TMEM248: variants seen among roughly 807,000 people sequenced by gnomAD.
TMEM248 encodes the protein UPF0458 protein C7orf42.
TMEM248 carries 9 observed loss-of-function variants against 30.3 expected under a neutral mutation model. The observed-to-expected ratio is 0.30, with a 90% CI of 0.18 to 0.52. The LOEUF is 0.52. TMEM248 is among the 20% of genes least tolerant of loss of function. The pLI, the probability that TMEM248 is intolerant of heterozygous loss-of-function variation, is 0.97. For missense variants in TMEM248, 338 were observed against 403.3 expected, an observed-to-expected ratio of 0.84 and a Z score of 1.39; for synonymous variants, 184 against 154.4, an observed-to-expected ratio of 1.19 and a Z score of -1.42.
At chr7:66,946,913 G>C (rs1026728411) in intron 3 of TMEM248, among the ~76,000 whole-genome samples, 7 of 151,932 alleles carry the variant, frequency 4.6e-5, no homozygotes, top group Admixed American at 3.9e-4. Flanking sequence ...TTACCAAAAG[G>C]CTTTTTAAAA....
chr7:66,923,260 C>G (rs1164869576), intron 1 of TMEM248, among the ~76,000 whole-genome samples: 1 of 152,000 alleles, frequency 6.6e-6, no homozygotes, highest in Non-Finnish European at 1.5e-5. Context: ...ATTTTTCTGC[C>G]TCAGCTGCCT....
At position 66,934,030 on chromosome 7, in the gene TMEM248, C is replaced by G. The variant is rs17748115; in HGVS notation, c.-18-7818C>G. On this transcript the variant is annotated intron_variant, in intron 1 of 6. Coordinates refer to ENST00000341567, the MANE Select transcript of TMEM248 (RefSeq NM_017994.5). ...TTAAAACTAACATTTGCCACTGTGA[C>G]GCTTACAGAAATTTTCTCGTAACTC... is the stretch of plus-strand genomic sequence containing the variant. Among the ~76,000 whole-genome samples the G allele has an allele frequency of 1.3e-4, 20 of 151,344 alleles. 1 individual carries two copies. The highest frequency in any genetic ancestry group is 3.4e-4 in the African/African-American group (14 of 41,236).
At chr7:66,934,794 A>G (rs1224814525) in intron 1 of TMEM248, among the ~76,000 whole-genome samples, 1 of 152,190 alleles carries the variant, frequency 6.6e-6, no homozygotes, top group Non-Finnish European at 1.5e-5. Flanking sequence ...GTTCACACCT[A>G]TAATCCCAAC....
intron 5 of TMEM248, 47 bp from the exon 6 acceptor site, chr7:66,953,179 G>A: frequency 6.3e-7 from 1 of 1,598,696 alleles, no homozygotes; most frequent in Non-Finnish European, 8.5e-7. Context: ...AAACCTTTCA[G>A]TCACTCAGAG....
chr7:66,953,429 C>A, intron 6 of TMEM248, 60 bp downstream of exon 6: 1 of 1,571,188 alleles, frequency 6.4e-7, no homozygotes, highest in Non-Finnish European at 8.6e-7. Flanking sequence ...TACAGAAAGT[C>A]CCAGTTATCC....
At chr7:66,925,885 C>T (rs190171833) in intron 1 of TMEM248, among the ~76,000 whole-genome samples, 193 of 152,062 alleles carry the variant, frequency 1.3e-3, no homozygotes, top group Admixed American at 2.2e-3. Flanking sequence ...TCATAATCCA[C>T]CCGCCTCAGC....
In TMEM248 at chr7:66,958,264, T is replaced by C. The variant is rs1283629865; in HGVS notation, c.*2742T>C. 1.3e-5 allele frequency: 2 copies of C among 152,716 alleles called. No individual in the cohort carries two copies. The highest frequency in any genetic ancestry group is 2.9e-5 in the Non-Finnish European group (2 of 68,058). 9.5% of individuals were successfully genotyped at this position (152,716 alleles called of 1,614,324 possible). A position where few individuals can be genotyped will look rare whatever the true frequency, so the allele number is the denominator to read the frequency against. ...TTGATCTCTTTCCTTTTTCCTTTTG[T>C]CCTTTCACTGTATGACTTGAATCAG... is the stretch of plus-strand genomic sequence containing the variant. On this transcript the variant is annotated 3_prime_UTR_variant, in exon 7 of 7. Coordinates refer to ENST00000341567, the MANE Select transcript of TMEM248 (RefSeq NM_017994.5).
Position 66,951,046 on chromosome 7 carries a change from C to G in TMEM248, c.691C>G (p.Gln231Glu), listed in dbSNP as rs916922250. The change falls in exon 5 of 7, where the codon CAA becomes GAA. Residue 231 changes from glutamine to glutamate, a missense_variant. Physicochemically the swap from Gln to Glu is conservative, Grantham distance 29. Coordinates refer to ENST00000341567, the MANE Select transcript of TMEM248 (RefSeq NM_017994.5). Reference sequence around the variant, plus strand: ...CAGAGATGCCAACACAAAATACGCCCAAGATTACAATCCTTTCTGGTGTTA... The same window carrying G: ...CAGAGATGCCAACACAAAATACGCCGAAGATTACAATCCTTTCTGGTGTTA... ...TARDANTKYA[Q>E]DYNPFWCYKG... 1 of 1,613,074 alleles carries G rather than the reference C, an allele frequency of 6.2e-7. No homozygotes were observed. Among genetic ancestry groups the G allele is most frequent in the African/African-American group, 1.3e-5 (1 of 74,862 alleles).
In TMEM248 at chr7:66,945,131, G is replaced by C. The variant is rs199781329; in HGVS notation, c.315G>C (p.Glu105Asp). The C allele has an allele frequency of 1.7e-5, 27 of 1,614,228 alleles. No individual in the cohort carries two copies. In the African/African-American group the frequency reaches 3.3e-4, roughly 20 times the overall value. The change falls in exon 3 of 7, where the codon GAG (glutamate) becomes GAC (aspartate). Residue 105 changes from glutamate (E) to aspartate (D), a missense_variant. Transcript: ENST00000341567. The part of the protein sequence containing the change: ...RASTQSPQAL[E>D]DSGPVNISVS... ...CCACCCAGTCCCCCCAGGCCCTGGA[G>C]GACTCGGGCCCGGTGAATATCTCAG...
intron 1 of TMEM248, among the ~76,000 whole-genome samples, chr7:66,925,694 C>CT (rs762948450): frequency 8.7e-4 from 120 of 137,790 alleles, no homozygotes; most frequent in South Asian, 2.3e-3. Flanking sequence ...GTAGTTTTTT[C>CT]TTTTTTTTTT....
At chr7:66,946,132 C>T (rs534342203) in intron 3 of TMEM248, among the ~76,000 whole-genome samples, 76 of 146,270 alleles carry the variant, frequency 5.2e-4, no homozygotes, top group African/African-American at 1.7e-3. Context: ...CATGGTGGTG[C>T]GCACTTGTAG....
At chr7:66,936,421 T>C (rs936854582) in intron 1 of TMEM248, among the ~76,000 whole-genome samples, 7 of 152,362 alleles carry the variant, frequency 4.6e-5, no homozygotes, top group African/African-American at 1.7e-4. Context: ...TTGGTCATGA[T>C]GAATGATCTT....
Position 66,955,864 on chromosome 7 carries a change from T to C in TMEM248, c.*342T>C, listed in dbSNP as rs1400312930. On this transcript the variant is annotated 3_prime_UTR_variant, in exon 7 of 7. Transcript: ENST00000341567. ...TGTTTTCACCAAGGTCACAGGAGCA[T>C]TGCGTCGCTGATGGGGTTGAAGTTT... The C allele has an allele frequency of 3.5e-6, 1 of 282,118 alleles. No individual in the cohort carries two copies. Among genetic ancestry groups the C allele is most frequent in the East Asian group, 7.1e-5 (1 of 14,028 alleles). The allele number at this position is 282,118 out of a possible 1,614,324, so 17.5% of individuals were successfully genotyped here.
intron 6 of TMEM248, 101 bp downstream of exon 6, chr7:66,953,470 G>GTCTAAAGAAATGACAGTCATCCC: frequency 1.4e-6 from 2 of 1,463,088 alleles, no homozygotes; most frequent in Non-Finnish European, 1.8e-6. Context: ...GGCACCTTTC[G>GTCTAAAGAAATGACAGTCATCCC]TCTAAAGAAA....
intron 2 of TMEM248, among the ~76,000 whole-genome samples, chr7:66,944,208 G>A (rs1050089030): frequency 1.3e-5 from 2 of 149,828 alleles, no homozygotes; most frequent in African/African-American, 2.5e-5. Context: ...AGGTTCAAGC[G>A]ATTCTCCTGC....
chr7:66,921,904 C>T (rs2293351), intron 1 of TMEM248: 5,615 of 152,282 alleles, frequency 0.037, 164 homozygotes, highest in East Asian at 0.087. Flanking sequence ...AGTGGTGTTC[C>T]CTGTGTCAAG....
chr7:66,951,187 T>A, intron 5 of TMEM248, 52 bp downstream of exon 5: 1 of 1,449,996 alleles, frequency 6.9e-7, no homozygotes, highest in Non-Finnish European at 9.2e-7. Flanking sequence ...TATGCACATG[T>A]GTGCGCATGT....
At chr7:66,951,409 G>C (rs1035510302) in intron 5 of TMEM248, 7 of 308,056 alleles carry the variant, frequency 2.3e-5, no homozygotes, top group East Asian at 5.5e-5. Flanking sequence ...TCCCTGGGGG[G>C]GGTTACAAGG....
At chr7:66,931,297 CAAAAAA>C (rs758131446) in intron 1 of TMEM248, among the ~76,000 whole-genome samples, 1,021 of 64,404 alleles carry the variant, frequency 0.016, 12 homozygotes, top group African/African-American at 0.053. Flanking sequence ...GACAATATCT[CAAAAAA>C]AAAAAAAAAA....
Sources: gnomAD v4.1 joint callset for allele counts (sites outside exome capture counted in the v4.1 genomes callset) on GRCh38, gnomAD v4.1.1 for gene constraint, MANE v1.5 for transcripts, NCBI Gene and HGNC (gene_info 2026-07-23, HGNC 2026-07-21) for gene names.